The following DPP6 variants were observed in gnomAD, a reference collection of about 807,000 sequenced individuals.
The protein encoded by DPP6 is A-type potassium channel modulatory protein DPP6.
In DPP6, 69 loss-of-function variants were observed where a neutral mutation model predicts 122.6. The ratio of observed to expected loss-of-function variants is 0.56; its 90% CI spans 0.46 to 0.69. The LOEUF (loss-of-function observed/expected upper bound fraction) is 0.69. DPP6 is among the 30% of genes least tolerant of loss of function. The pLI is 0.00. For synonymous variants in DPP6, 418 were observed against 433.1 expected, an observed-to-expected ratio of 0.97 and a Z score of 0.43; for missense variants, 928 against 1,116.9, an observed-to-expected ratio of 0.83 and a Z score of 2.41.
At chr7:154,110,497 A>G (rs1279841835) in intron 1 of DPP6, among the ~76,000 whole-genome samples, 1 of 152,204 alleles carries the variant, frequency 6.6e-6, no homozygotes, top group Non-Finnish European at 1.5e-5. Context: ...TAAAATAGAC[A>G]AGAAGGACAG....
At chr7:154,887,486 G>A (rs980693662) in intron 22 of DPP6, among the ~76,000 whole-genome samples, 190 bp from the exon 23 acceptor site, 1 of 152,114 alleles carries the variant, frequency 6.6e-6, no homozygotes, top group Admixed American at 6.5e-5. Context: ...ACCGCCTGAT[G>A]CCCCTTGTAA....
At chr7:154,273,040 C>G (rs1369338119) in intron 1 of DPP6, among the ~76,000 whole-genome samples, 1 of 152,182 alleles carries the variant, frequency 6.6e-6, no homozygotes, top group Non-Finnish European at 1.5e-5. Context: ...ACTTCCCTCA[C>G]AAATGATTCT....
intron 1 of DPP6, among the ~76,000 whole-genome samples, chr7:154,029,400 C>A (rs1799111722): frequency 6.6e-6 from 1 of 151,636 alleles, no homozygotes; most frequent in East Asian, 1.9e-4. Context: ...GCCTGTAGTC[C>A]CAGCTACTTG....
At chr7:154,242,957 T>G (rs986831969) in intron 1 of DPP6, among the ~76,000 whole-genome samples, 2 of 152,160 alleles carry the variant, frequency 1.3e-5, no homozygotes, top group African/African-American at 2.4e-5. Context: ...GAGAACTCAT[T>G]GAGCATCTCA....
At chr7:154,081,143 CT>C (rs1219037575) in intron 1 of DPP6, among the ~76,000 whole-genome samples, 7 of 151,816 alleles carry the variant, frequency 4.6e-5, no homozygotes, top group Non-Finnish European at 1.0e-4. Context: ...GACCTAGCCC[CT>C]GATCAGCTGT....
rs183613746 is a variant in DPP6 at position 154,534,094 on chromosome 7, A to G, written c.458-6438A>G. On this transcript the variant is annotated intron_variant, in intron 3 of 25. Coordinates refer to ENST00000377770, the MANE Select transcript of DPP6 (RefSeq NM_130797.4). ...AAGTTGGTTTAACATCTGAAAATCAATGAACATAGCTCACTGTATTAATGA... is the reference window on the plus strand; with the variant it reads ...AAGTTGGTTTAACATCTGAAAATCAGTGAACATAGCTCACTGTATTAATGA... 7.2e-4 allele frequency among the ~76,000 whole-genome samples: 110 copies of G among 152,306 alleles called. 1 individual carries two copies. The highest frequency in any genetic ancestry group is 2.6e-3 in the African/African-American group (107 of 41,576).
At chr7:153,894,353 C>A (rs978873309) in intron 1 of DPP6, among the ~76,000 whole-genome samples, 1 of 152,056 alleles carries the variant, frequency 6.6e-6, no homozygotes, top group Non-Finnish European at 1.5e-5. Context: ...ATAGCAAGAC[C>A]ACATTTTAGA....
intron 1 of DPP6, among the ~76,000 whole-genome samples, chr7:154,041,215 G>A (rs1403581764): frequency 6.6e-6 from 1 of 152,012 alleles, no homozygotes; most frequent in African/African-American, 2.4e-5. Context: ...TTCGAGCATT[G>A]ACACACATTT....
intron 1 of DPP6, among the ~76,000 whole-genome samples, chr7:154,223,609 T>G (rs538118388): frequency 6.7e-6 from 1 of 148,750 alleles, no homozygotes; most frequent in East Asian, 2.0e-4. Context: ...TGAAGAATGG[T>G]GAAAAGAATG....
intron 5 of DPP6, among the ~76,000 whole-genome samples, chr7:154,626,026 G>A (rs1835047123): frequency 6.6e-6 from 1 of 152,160 alleles, no homozygotes; most frequent in African/African-American, 2.4e-5. Context: ...TGTGAAGCTC[G>A]GATACCTGTT....
intron 1 of DPP6, among the ~76,000 whole-genome samples, chr7:154,013,287 G>T (rs1798234802): frequency 6.6e-6 from 1 of 152,138 alleles, no homozygotes; most frequent in African/African-American, 2.4e-5. Flanking sequence ...ACTCTATTAT[G>T]AGAAGAACCA....
In DPP6 at chr7:154,408,610, C is replaced by T. The variant is rs776487042; in HGVS notation, c.244-37604C>T. Among the ~76,000 whole-genome samples, 5 of 152,170 alleles carry T rather than the reference C, an allele frequency of 3.3e-5. No individual in the cohort carries two copies. In the South Asian group the frequency reaches 6.2e-4, roughly 19 times the overall value. ...AAACTAAGAAACTGGCATTGATACA[C>T]GGCTATTAACTCAACTATAGACTTT... On this transcript the variant is annotated intron_variant, in intron 1 of 25. Transcript: ENST00000377770.
In DPP6 at chr7:154,223,012, C is replaced by A. The variant is rs764772397; in HGVS notation, c.243+169949C>A. Among the ~76,000 whole-genome samples the A allele has an allele frequency of 2.1e-4, 31 of 149,042 alleles. 1 individual carries two copies. Among genetic ancestry groups the A allele is most frequent in the Non-Finnish European group, 4.1e-4 (28 of 67,930 alleles). On this transcript the variant is annotated intron_variant, in intron 1 of 25. Coordinates refer to ENST00000377770, the MANE Select transcript of DPP6 (RefSeq NM_130797.4). ...TAATCCTTGAGATAATGGAAAGCAACCCAGTGAGGCTGTGGAACCTGCATT... is the reference window on the plus strand; with the variant it reads ...TAATCCTTGAGATAATGGAAAGCAAACCAGTGAGGCTGTGGAACCTGCATT...
rs375492695 is a variant in DPP6 at position 154,206,471 on chromosome 7, G to A, written c.243+153408G>A. 1.2e-4 allele frequency among the ~76,000 whole-genome samples: 19 copies of A among 152,230 alleles called. No homozygotes were observed. In the East Asian group the frequency reaches 1.4e-3, roughly 11 times the overall value. Reference sequence around the variant, plus strand: ...TCTTGCCCCAGACATATTGCTCATCGGGGGTCATAACAGCTCGCAAAGCAA... The same window carrying A: ...TCTTGCCCCAGACATATTGCTCATCAGGGGTCATAACAGCTCGCAAAGCAA... On this transcript the variant is annotated intron_variant, in intron 1 of 25. Transcript: ENST00000377770.
At chr7:154,115,982 T>C (rs1046936132) in intron 1 of DPP6, among the ~76,000 whole-genome samples, 4 of 151,772 alleles carry the variant, frequency 2.6e-5, no homozygotes, top group African/African-American at 9.7e-5. Context: ...AGCTTAGTTA[T>C]AAAGTCAAAT....
At chr7:154,876,290 C>T in intron 20 of DPP6, 190 bp downstream of exon 20, 1 of 1,031,268 alleles carries the variant, frequency 9.7e-7, no homozygotes. Flanking sequence ...CTCCTAGGGA[C>T]ATTTATAACT....
chr7:153,959,939 T>C (rs201043230), intron 1 of DPP6, among the ~76,000 whole-genome samples: 62 of 147,364 alleles, frequency 4.2e-4, no homozygotes, highest in African/African-American at 1.5e-3. Flanking sequence ...TTTTTTTTTT[T>C]ATTTAAAGTG....
chr7:153,957,447 C>T (rs972653483), intron 1 of DPP6, among the ~76,000 whole-genome samples: 9 of 152,268 alleles, frequency 5.9e-5, no homozygotes, highest in East Asian at 1.9e-4. Flanking sequence ...CTCAGGCTTT[C>T]GGAGTTTTTG....
At position 154,313,685 on chromosome 7, in the gene DPP6, G is replaced by GTGTGTGTGTGTGTATATATATATATA; in HGVS notation, c.244-132528_244-132527insGTGTGTGTGTGTATATATATATATAT. Among the ~76,000 whole-genome samples the GTGTGTGTGTGTGTATATATATATATA allele has an allele frequency of 1.6e-3, 33 of 20,468 alleles. 2 individuals carry two copies. The highest frequency in any genetic ancestry group is 3.3e-3 in the East Asian group (1 of 306). 13.4% of individuals were successfully genotyped at this position (20,468 alleles called of 152,430 possible). A position where few individuals can be genotyped will look rare whatever the true frequency, so the allele number is the denominator to read the frequency against. ...AAGCAACAAGATATTTTAAGATATG[G>GTGTGTGTGTGTGTATATATATATATA]TATATATATATATATATATATATAT... On this transcript the variant is annotated intron_variant, in intron 1 of 25. Transcript: ENST00000377770.
Sources: gnomAD v4.1 joint callset for allele counts (sites outside exome capture counted in the v4.1 genomes callset) on GRCh38, gnomAD v4.1.1 for gene constraint, MANE v1.5 for transcripts, NCBI Gene and HGNC (gene_info 2026-07-23, HGNC 2026-07-21) for gene names.